SMR3A: variants seen among roughly 807,000 people sequenced by gnomAD.
SMR3A encodes submaxillary gland androgen-regulated protein 3A.
For synonymous variants in SMR3A, 48 were observed against 57.4 expected (o/e 0.84, Z 0.74); for missense variants, 188 against 163.0 (o/e 1.15, Z -0.84).
At chr4:70,362,028 T>C (rs768448595) in intron 1 of SMR3A, 74 bp from the exon 2 acceptor site, 39 of 1,601,600 alleles carry the variant, frequency 2.4e-5, no homozygotes, top group Non-Finnish European at 3.2e-5. Context: ...ATTATATCCA[T>C]GTGTTGAGAC....
Position 70,363,981 on chromosome 4 carries a change from C to T in SMR3A, c.54+1812C>T, listed in dbSNP as rs145776396. On this transcript the variant is annotated intron_variant, in intron 2 of 2. Transcript: ENST00000226460. ...CTAGCTAGAGAAGACAAATGCAAGG[C>T]TGGTCCCACAGAAGTGCCTTGGAAT... Among the ~76,000 whole-genome samples the T allele has an allele frequency of 9.9e-4, 151 of 152,102 alleles. 1 individual carries two copies. Among genetic ancestry groups the T allele is most frequent in the African/African-American group, 3.4e-3 (140 of 41,518 alleles).
intron 2 of SMR3A, among the ~76,000 whole-genome samples, chr4:70,362,372 G>A (rs1732168839): frequency 1.3e-5 from 2 of 151,594 alleles, no homozygotes; most frequent in African/African-American, 4.8e-5. Flanking sequence ...CTACAATACT[G>A]GACAGCTCAA....
chr4:70,362,251 T>C (rs769606425), intron 2 of SMR3A, 82 bp downstream of exon 2: 8 of 1,593,684 alleles, frequency 5.0e-6, no homozygotes, highest in Non-Finnish European at 6.8e-6. Flanking sequence ...ATTAATGATG[T>C]TACCTTTTCT....
intron 2 of SMR3A, 22 bp from the exon 3 acceptor site, chr4:70,366,622 A>G: frequency 6.5e-7 from 1 of 1,550,100 alleles, no homozygotes; most frequent in Non-Finnish European, 8.7e-7. Context: ...ATTTAAAATT[A>G]TTTACTTCTT....
chr4:70,362,259 T>C (rs1732165603), intron 2 of SMR3A, 90 bp downstream of exon 2: 1 of 1,584,926 alleles, frequency 6.3e-7, no homozygotes, highest in African/African-American at 1.4e-5. Flanking sequence ...TGTTACCTTT[T>C]CTTATATATT....
intron 2 of SMR3A, 88 bp from the exon 3 acceptor site, chr4:70,366,556 A>C: frequency 1.6e-6 from 2 of 1,272,282 alleles, no homozygotes; most frequent in Non-Finnish European, 2.2e-6. Context: ...AGGCCATCTC[A>C]GAGTTCTGCT....
At chr4:70,366,450 ATC>A (rs1470659475) in intron 2 of SMR3A, among the ~76,000 whole-genome samples, 192 bp from the exon 3 acceptor site, 1 of 151,928 alleles carries the variant, frequency 6.6e-6, no homozygotes, top group East Asian at 2.0e-4. Context: ...GCAGCTTCAA[ATC>A]TCTCTGATTC....
intron 2 of SMR3A, among the ~76,000 whole-genome samples, chr4:70,364,387 G>C (rs1732216161): frequency 6.6e-6 from 1 of 151,952 alleles, no homozygotes; most frequent in Admixed American, 6.6e-5. Context: ...GAAGTGGTTA[G>C]ATTTAGAATT....
rs141171647 is a variant in SMR3A, at chr4:70,364,885, G to C, written c.55-1759G>C. Among the ~76,000 whole-genome samples the C allele has an allele frequency of 5.9e-5, 9 of 152,080 alleles. No homozygotes were observed. The East Asian group carries it at 1.8e-3, about 30-fold the overall frequency. ...TAGCATTGTTAAGAACCTGGAACTA[G>C]GAATCCAGGAGAAAGATGGTTTACC... On this transcript the variant is annotated intron_variant, in intron 2 of 2. Transcript: ENST00000226460.
Position 70,366,986 on chromosome 4 carries a change from G to C in SMR3A, c.397G>C (p.Ala133Pro), listed in dbSNP as rs371670020. 6.2e-7 allele frequency: 1 copy of C among 1,611,908 alleles called. No homozygotes were observed. The highest frequency in any genetic ancestry group is 8.5e-7 in the Non-Finnish European group (1 of 1,178,916). The change falls in exon 3 of 3, where the codon GCA (alanine) becomes CCA (proline). Residue 133 changes from alanine to proline, a missense_variant. Physicochemically the swap from Ala to Pro is conservative, Grantham distance 27. Transcript: ENST00000226460. ...SPTDPALPTPAP is the reference protein window; with the variant it reads ...SPTDPALPTPPP The stretch of plus-strand genomic sequence containing the variant: ...AACTGATCCTGCCCTCCCTACTCCT[G>C]CACCCTAAATACAGACAACTGCAAC...
At chr4:70,365,361 G>A (rs943907978) in intron 2 of SMR3A, among the ~76,000 whole-genome samples, 1 of 151,962 alleles carries the variant, frequency 6.6e-6, no homozygotes, top group Non-Finnish European at 1.5e-5. Flanking sequence ...ACAGGCATGA[G>A]CCACCATATC....
At chr4:70,366,520 T>C (rs902055041) in intron 2 of SMR3A, 124 bp from the exon 3 acceptor site, 3 of 879,478 alleles carry the variant, frequency 3.4e-6, no homozygotes, top group Middle Eastern at 3.0e-4. Flanking sequence ...CAGGCCAGCA[T>C]GTGCCAGCAG....
intron 2 of SMR3A, among the ~76,000 whole-genome samples, chr4:70,365,019 T>A (rs1019622643): frequency 6.6e-6 from 1 of 152,006 alleles, no homozygotes; most frequent in Non-Finnish European, 1.5e-5. Context: ...AACCATCTGC[T>A]CCAAGCAACC....
intron 2 of SMR3A, among the ~76,000 whole-genome samples, chr4:70,364,639 C>A (rs576764326): frequency 1.5e-4 from 23 of 151,868 alleles, no homozygotes; most frequent in African/African-American, 5.1e-4. Context: ...TTTCTAATTG[C>A]CTGAAATATC....
intron 2 of SMR3A, 92 bp from the exon 3 acceptor site, chr4:70,366,552 T>C: frequency 8.1e-7 from 1 of 1,229,172 alleles, no homozygotes; most frequent in Non-Finnish European, 1.1e-6. Flanking sequence ...CTTGAGGCCA[T>C]CTCAGAGTTC....
At chr4:70,364,444 A>G (rs1732217335) in intron 2 of SMR3A, among the ~76,000 whole-genome samples, 1 of 151,970 alleles carries the variant, frequency 6.6e-6, no homozygotes, top group Non-Finnish European at 1.5e-5. Flanking sequence ...AAAAAAATTG[A>G]GTTGAACATA....
Position 70,362,159 on chromosome 4 carries a change from C to G in SMR3A, c.44C>G (p.Ala15Gly), listed in dbSNP as rs1016313924. 7 of 1,611,612 alleles carry G rather than the reference C, an allele frequency of 4.3e-6. No homozygotes were observed. The highest frequency in any genetic ancestry group is 5.9e-6 in the Non-Finnish European group (7 of 1,178,386). Residue 15 changes from alanine to glycine, a missense_variant, in exon 2 of 3, where the codon GCG becomes GGG. Ala to Gly is a moderately conservative substitution (Grantham distance 60, BLOSUM62 0). Transcript: ENST00000226460. Reference protein sequence around the residue: ...TWILGLWALAACFTPGESQRG... With the variant: ...TWILGLWALAGCFTPGESQRG... Reference sequence around the variant, plus strand: ...ATCTTGGGCCTTTGGGCTCTTGCAGCGTGTTTCACAGTAAGTATCATTAAT... The same window carrying G: ...ATCTTGGGCCTTTGGGCTCTTGCAGGGTGTTTCACAGTAAGTATCATTAAT...
intron 1 of SMR3A, among the ~76,000 whole-genome samples, chr4:70,361,208 T>C (rs1418733062): frequency 6.6e-6 from 1 of 151,938 alleles, no homozygotes; most frequent in Non-Finnish European, 1.5e-5. Flanking sequence ...TAAGAACGGA[T>C]CCTGGGAAAA....
intron 2 of SMR3A, among the ~76,000 whole-genome samples, chr4:70,365,927 G>A (rs567922491): frequency 2.6e-5 from 4 of 152,132 alleles, no homozygotes; most frequent in South Asian, 2.1e-4. Flanking sequence ...CTTCACTACA[G>A]GCCAAGGATA....
Sources: allele counts gnomAD v4.1 joint callset (sites outside exome capture counted in the v4.1 genomes callset), GRCh38; gene constraint gnomAD v4.1.1; transcripts MANE v1.5; gene names NCBI Gene and HGNC (gene_info 2026-07-23, HGNC 2026-07-21).